DISC1: variants seen among roughly 807,000 people sequenced by gnomAD.
The protein encoded by DISC1 is disrupted in schizophrenia 1 protein.
DISC1 carries 57 observed loss-of-function variants against 84.5 expected under a neutral mutation model. The observed-to-expected ratio is 0.67, with a 90% CI of 0.55 to 0.84. The LOEUF (loss-of-function observed/expected upper bound fraction) is 0.84. Ranked by LOEUF, DISC1 falls within the 40% of genes least tolerant of loss-of-function variation. The probability of loss-of-function intolerance (pLI) is 0.00; values close to 1 mark genes in which losing one functional copy is unlikely to be tolerated. For synonymous variants in DISC1, 411 were observed against 415.2 expected (o/e 0.99, Z 0.12); for missense variants, 1,000 against 1,057.8 (o/e 0.95, Z 0.76).
At chr1:231,720,727 G>A in intron 3 of DISC1, 1 of 716,022 alleles carries the variant, frequency 1.4e-6, no homozygotes, top group Non-Finnish European at 2.1e-6. Context: ...TTTTTCCCTT[G>A]GGGCTTTCTG....
intron 9 of DISC1, among the ~76,000 whole-genome samples, chr1:231,824,721 G>A (rs79431535): frequency 0.072 from 10,886 of 152,180 alleles, 651 homozygotes; most frequent in East Asian, 0.35. Flanking sequence ...TCTCAGTCCT[G>A]CCCTTCCCTA....
rs1329101798 is a variant in DISC1, at chr1:231,959,067, G to A, written c.2042+179G>A. 3.6e-6 allele frequency: 5 copies of A among 1,383,156 alleles called. No individual in the cohort carries two copies. In the East Asian group the frequency reaches 8.4e-5, roughly 23 times the overall value. The allele number at this position is 1,383,156 out of a possible 1,614,324, so 85.7% of individuals were successfully genotyped here. ...AAGAGCAGGTGCCAGCCCTCATCTT[G>A]TCTTTTAAAAAGTAAGTAGATTAAG... On this transcript the variant is annotated intron_variant, in intron 10 of 12. Coordinates refer to ENST00000439617, the MANE Select transcript of DISC1 (RefSeq NM_018662.3).
At chr1:231,849,278 G>A (rs1308475223) in intron 9 of DISC1, among the ~76,000 whole-genome samples, 1 of 152,000 alleles carries the variant, frequency 6.6e-6, no homozygotes, top group African/African-American at 2.4e-5. Flanking sequence ...GCGCCACCAC[G>A]CTCGGCTAAT....
chr1:231,808,288 G>T (rs1203176223), intron 8 of DISC1, among the ~76,000 whole-genome samples: 8 of 152,202 alleles, frequency 5.3e-5, no homozygotes, highest in Non-Finnish European at 1.5e-5. Flanking sequence ...AGGAGAGCTG[G>T]CCTGCCCTGC....
At chr1:231,792,057 C>T (rs2078389291) in intron 6 of DISC1, among the ~76,000 whole-genome samples, 2 of 152,176 alleles carry the variant, frequency 1.3e-5, no homozygotes, top group African/African-American at 4.8e-5. Context: ...ATAGATTCCT[C>T]ATATCGTCTG....
At chr1:231,639,584 T>A (rs1030312052) in intron 1 of DISC1, among the ~76,000 whole-genome samples, 1 of 152,190 alleles carries the variant, frequency 6.6e-6, no homozygotes, top group Non-Finnish European at 1.5e-5. Flanking sequence ...CACAACCGGC[T>A]GAGTGGCCAG....
rs546025674 is a variant in DISC1, at chr1:231,634,127, G to T, written c.67+7193G>T. Among the ~76,000 whole-genome samples, 115 of 152,126 alleles carry T rather than the reference G, an allele frequency of 7.6e-4. 1 individual carries two copies. The highest frequency in any genetic ancestry group is 2.4e-3 in the African/African-American group (101 of 41,514). On this transcript the variant is annotated intron_variant, in intron 1 of 12. Coordinates refer to ENST00000439617, the MANE Select transcript of DISC1 (RefSeq NM_018662.3). ...TTGAGCTCCTAAACTCAAGTGATCC[G>T]CCTGCCTCGGCTTCTCAAAGTGCTG... is the stretch of plus-strand genomic sequence containing the variant.
At chr1:231,725,947 A>T (rs1397977412) in intron 3 of DISC1, among the ~76,000 whole-genome samples, 2 of 152,038 alleles carry the variant, frequency 1.3e-5, no homozygotes, top group African/African-American at 4.8e-5. Context: ...GGAGTGGCAG[A>T]TAGGAGCAAG....
At chr1:231,830,034 G>A (rs919139241) in intron 9 of DISC1, among the ~76,000 whole-genome samples, 7 of 152,264 alleles carry the variant, frequency 4.6e-5, no homozygotes, top group South Asian at 2.1e-4. Context: ...GGATGTGTAC[G>A]TGCAGGTCAC....
chr1:231,676,617 A>T (rs566260141), intron 1 of DISC1, among the ~76,000 whole-genome samples: 4 of 152,218 alleles, frequency 2.6e-5, no homozygotes, highest in African/African-American at 4.8e-5. Flanking sequence ...TAGTGTGTTG[A>T]CATGTCTCCT....
At chr1:231,942,974 A>T (rs2126136289) in intron 9 of DISC1, among the ~76,000 whole-genome samples, 1 of 152,388 alleles carries the variant, frequency 6.6e-6, no homozygotes, top group Middle Eastern at 3.4e-3. Flanking sequence ...GCTCGTAGCT[A>T]AGAAGGCTTG....
chr1:231,678,243 A>C (rs2125524698), intron 1 of DISC1, among the ~76,000 whole-genome samples: 1 of 152,334 alleles, frequency 6.6e-6, no homozygotes, highest in African/African-American at 2.4e-5. Flanking sequence ...GGGGATGGTC[A>C]GTATGGAATT....
intron 10 of DISC1, among the ~76,000 whole-genome samples, chr1:231,996,417 A>G (rs1204087384): frequency 6.6e-6 from 1 of 152,202 alleles, no homozygotes; most frequent in Non-Finnish European, 1.5e-5. Context: ...GTCCTTGCCC[A>G]TGCCTGTGTC....
At chr1:231,793,889 T>C (rs116008552) in intron 6 of DISC1, among the ~76,000 whole-genome samples, 1 of 152,188 alleles carries the variant, frequency 6.6e-6, no homozygotes, top group South Asian at 2.1e-4. Flanking sequence ...ATTAAACAAA[T>C]AGTAGAATTT....
intron 3 of DISC1, among the ~76,000 whole-genome samples, chr1:231,713,508 G>C (rs1466503304): frequency 1.3e-5 from 2 of 151,878 alleles, no homozygotes; most frequent in Non-Finnish European, 2.9e-5. Flanking sequence ...GAAACTGAAA[G>C]CTGAAATGAA....
intron 9 of DISC1, among the ~76,000 whole-genome samples, chr1:231,950,588 G>T (rs537055334): frequency 1.3e-5 from 2 of 152,106 alleles, no homozygotes; most frequent in Non-Finnish European, 1.5e-5. Context: ...TTTCCATACC[G>T]CAAGCATTTG....
At chr1:231,764,450 G>T (rs1470676334) in intron 4 of DISC1, among the ~76,000 whole-genome samples, 2 of 152,008 alleles carry the variant, frequency 1.3e-5, no homozygotes, top group African/African-American at 4.8e-5. Context: ...TAGCATTTTG[G>T]TGAATATTTT....
intron 10 of DISC1, among the ~76,000 whole-genome samples, chr1:231,986,646 G>C (rs981405790): frequency 1.3e-5 from 2 of 152,166 alleles, no homozygotes; most frequent in African/African-American, 4.8e-5. Flanking sequence ...CCTTGAAAAT[G>C]AGTTTCCTAA....
At chr1:231,850,961 T>C (rs764103162) in intron 9 of DISC1, among the ~76,000 whole-genome samples, 4 of 152,168 alleles carry the variant, frequency 2.6e-5, no homozygotes, top group Non-Finnish European at 4.4e-5. Context: ...TCAGACACTC[T>C]TACAGGGAAA....
Sources: gnomAD v4.1 joint callset for allele counts (sites outside exome capture counted in the v4.1 genomes callset) on GRCh38, gnomAD v4.1.1 for gene constraint, MANE v1.5 for transcripts, NCBI Gene and HGNC (gene_info 2026-07-23, HGNC 2026-07-21) for gene names.